The following ELOA variants were observed in gnomAD, a reference collection of about 807,000 sequenced individuals.
ELOA encodes elongin A.
ELOA carries 15 observed loss-of-function variants against 85.2 expected under a neutral mutation model. The observed-to-expected ratio is 0.18, with a 90% CI of 0.12 to 0.27. ELOA has a LOEUF of 0.27. Ranked by LOEUF, ELOA falls within the 10% of genes least tolerant of loss-of-function variation. The probability of loss-of-function intolerance (pLI) is 1.00; values close to 1 mark genes in which losing one functional copy is unlikely to be tolerated. For missense variants in ELOA, 769 were observed against 952.7 expected (o/e 0.81, Z 2.54); for synonymous variants, 348 against 357.2 (o/e 0.97, Z 0.29).
At position 23,751,698 on chromosome 1, in the gene ELOA, G is replaced by C. The variant is rs1570591721; in HGVS notation, c.1093G>C (p.Gly365Arg). The change falls in exon 4 of 11, where the codon GGT becomes CGT. Residue 365 changes from glycine (G) to arginine (R), a missense_variant. Around this residue, in one of 4 missense-constraint regions of ELOA, gnomAD observed 440 missense variants for 474.0 expected, o/e 0.93. Coordinates refer to ENST00000613537, the MANE Select transcript of ELOA (RefSeq NM_003198.3). ...GDLLPKVKEK[G>R]SNNLKTPEGK... is the part of the protein sequence containing the mutation. ...CCTGTTGCCCAAGGTAAAAGAGAAGGGTTCTAACAACCTAAAGACTCCAGA... is the reference window on the plus strand; with the variant it reads ...CCTGTTGCCCAAGGTAAAAGAGAAGCGTTCTAACAACCTAAAGACTCCAGA... The C allele has an allele frequency of 6.2e-7, 1 of 1,614,102 alleles. No individual in the cohort carries two copies.
intron 1 of ELOA, among the ~76,000 whole-genome samples, chr1:23,743,809 G>C (rs1034446033): frequency 7.2e-5 from 11 of 152,124 alleles, no homozygotes; most frequent in African/African-American, 2.4e-4. Context: ...GGCCCGGGAT[G>C]GGGGCGCGCC....
chr1:23,744,589 A>G (rs1038372531), intron 1 of ELOA, among the ~76,000 whole-genome samples: 4 of 151,550 alleles, frequency 2.6e-5, no homozygotes, highest in Non-Finnish European at 5.9e-5. Context: ...AGTAGCTGGT[A>G]TTGTAGGCGC....
rs116641191 is a variant in ELOA at position 23,759,142 on chromosome 1, C to G, written c.2258-370C>G. On this transcript the variant is annotated intron_variant, in intron 10 of 10. Transcript: ENST00000613537. ...GAGGCTACAGTGTGCTGTGATTGTG[C>G]CAATGCACCCTAGCCAGGGTGACAG... Among the ~76,000 whole-genome samples, 1,335 of 152,344 alleles carry G rather than the reference C, an allele frequency of 8.8e-3. 16 individuals carry two copies. Among genetic ancestry groups the G allele is most frequent in the Middle Eastern group, 0.027 (8 of 294 alleles).
chr1:23,745,823 C>T (rs906927238), intron 1 of ELOA, among the ~76,000 whole-genome samples: 1 of 152,132 alleles, frequency 6.6e-6, no homozygotes. Flanking sequence ...CATTATTAGC[C>T]AAGGGTTTGA....
In ELOA at chr1:23,749,030, T is replaced by A. The variant is rs368013601; in HGVS notation, c.85T>A (p.Tyr29Asn). ...GTTTTCTTCTCTGCAGCTATTGAAA[T>A]ATTTGAAGAAACTCTCCACCCTGCC... The part of the protein sequence containing the change: ...ANPDPKKLLK[Y>N]LKKLSTLPIT... The change falls in exon 2 of 11, where the codon TAT becomes AAT. Residue 29 changes from tyrosine to asparagine, a missense_variant. By Grantham distance (143) the Tyr-to-Asn change is moderately radical. Around this residue, in one of 4 missense-constraint regions of ELOA, gnomAD observed 440 missense variants for 474.0 expected, o/e 0.93. Coordinates refer to ENST00000613537, the MANE Select transcript of ELOA (RefSeq NM_003198.3). 113 of 1,613,086 alleles carry A rather than the reference T, an allele frequency of 7.0e-5. No homozygotes were observed. Among genetic ancestry groups the A allele is most frequent in the Non-Finnish European group, 8.8e-5 (104 of 1,179,412 alleles).
At chr1:23,756,437 A>G in intron 9 of ELOA, 52 bp downstream of exon 9, 1 of 1,491,466 alleles carries the variant, frequency 6.7e-7, no homozygotes, top group Non-Finnish European at 9.1e-7. Context: ...CCTTAGAGGT[A>G]GCCATAGCGG....
intron 3 of ELOA, 38 bp downstream of exon 3, chr1:23,749,986 G>C: frequency 6.6e-7 from 1 of 1,525,090 alleles, no homozygotes; most frequent in Non-Finnish European, 8.9e-7. Flanking sequence ...CAATTTCATG[G>C]TTAAATTTAC....
At chr1:23,753,074 C>T (rs972775808) in intron 5 of ELOA, among the ~76,000 whole-genome samples, 5 of 152,146 alleles carry the variant, frequency 3.3e-5, no homozygotes, top group Non-Finnish European at 4.4e-5. Flanking sequence ...CACTTGAGCC[C>T]AGGAGTTCAA....
chr1:23,746,309 A>AAC (rs887119643), intron 1 of ELOA, among the ~76,000 whole-genome samples: 2 of 149,718 alleles, frequency 1.3e-5, no homozygotes, highest in Non-Finnish European at 3.0e-5. Flanking sequence ...AAACAAAAAA[A>AAC]ACACACACAC....
intron 7 of ELOA, among the ~76,000 whole-genome samples, 158 bp downstream of exon 7, chr1:23,754,618 G>T (rs1189895550): frequency 6.6e-6 from 1 of 152,234 alleles, no homozygotes; most frequent in African/African-American, 2.4e-5. Flanking sequence ...AAACAAGCAT[G>T]TTATTAGCAC....
chr1:23,753,522 C>T (rs1406135127), intron 5 of ELOA, among the ~76,000 whole-genome samples: 1 of 151,942 alleles, frequency 6.6e-6, no homozygotes. Context: ...GAAGTAGAAG[C>T]CACATAAGGG....
intron 5 of ELOA, among the ~76,000 whole-genome samples, chr1:23,753,203 G>C (rs1361309205): frequency 6.6e-6 from 1 of 152,082 alleles, no homozygotes; most frequent in Non-Finnish European, 1.5e-5. Context: ...CATTTCCTAA[G>C]TGCATAGACT....
intron 8 of ELOA, 93 bp from the exon 9 acceptor site, chr1:23,756,181 G>T (rs1570593781): frequency 7.0e-6 from 10 of 1,424,134 alleles, no homozygotes. Context: ...CCTACAAGTG[G>T]GGTTTCAGGG....
At chr1:23,750,656 C>A (rs1644765804) in intron 3 of ELOA, among the ~76,000 whole-genome samples, 189 bp from the exon 4 acceptor site, 2 of 152,078 alleles carry the variant, frequency 1.3e-5, no homozygotes, top group South Asian at 4.1e-4. Flanking sequence ...TTAAACTCAC[C>A]ATTTCTCATT....
chr1:23,754,332 C>G (rs771129710), intron 6 of ELOA, 31 bp from the exon 7 acceptor site: 5 of 1,614,012 alleles, frequency 3.1e-6, no homozygotes, highest in Non-Finnish European at 4.2e-6. Context: ...TTGGCTGCTA[C>G]TCAGTGTCTT....
Position 23,751,415 on chromosome 1 carries a change from A to G in ELOA, c.810A>G (p.Lys270=). ...DEKASVVSRE[K]SHKALSKEEN... ...AGGCCTCTGTGGTGAGCAGAGAGAA[A>G]TCACACAAGGCCCTCTCCAAAGAGG... The change falls in exon 4 of 11, where the codon AAA becomes AAG. Residue 270 remains lysine, a synonymous_variant. Coordinates refer to ENST00000613537, the MANE Select transcript of ELOA (RefSeq NM_003198.3). 1 of 1,614,116 alleles carries G rather than the reference A, an allele frequency of 6.2e-7. No individual in the cohort carries two copies. The highest frequency in any genetic ancestry group is 8.5e-7 in the Non-Finnish European group (1 of 1,180,026).
intron 10 of ELOA, 45 bp downstream of exon 10, chr1:23,757,170 T>C: frequency 6.7e-7 from 1 of 1,489,622 alleles, no homozygotes; most frequent in Non-Finnish European, 8.9e-7. Context: ...TCAGCACTAG[T>C]TTTTAACTCT....
At chr1:23,756,530 C>A in intron 9 of ELOA, 145 bp downstream of exon 9, 1 of 664,672 alleles carries the variant, frequency 1.5e-6, no homozygotes, top group Non-Finnish European at 2.5e-6. Context: ...CAGCACTTCC[C>A]TCACCTCCCT....
rs1329004366 is a variant in ELOA, at chr1:23,751,148, A to G, written c.543A>G (p.Pro181=). ...ATTATGGCCATGTTCAATCCCCTCCATCTTGTACCAGTCCTCATCAGATGT... is the reference window on the plus strand; with the variant it reads ...ATTATGGCCATGTTCAATCCCCTCCGTCTTGTACCAGTCCTCATCAGATGT... ...SSDYGHVQSP[P]SCTSPHQMYV... Residue 181 remains proline (P), a synonymous_variant, in exon 4 of 11, where the codon CCA becomes CCG. Transcript: ENST00000613537. The G allele has an allele frequency of 6.2e-7, 1 of 1,614,062 alleles. No homozygotes were observed. Among genetic ancestry groups the G allele is most frequent in the Non-Finnish European group, 8.5e-7 (1 of 1,180,030 alleles).
Sources: gnomAD v4.1 joint callset for allele counts (sites outside exome capture counted in the v4.1 genomes callset) on GRCh38, gnomAD v4.1.1 for gene constraint, gnomAD v4.1.1 regional missense constraint, MANE v1.5 for transcripts, NCBI Gene and HGNC (gene_info 2026-07-23, HGNC 2026-07-21) for gene names.